The following ELOVL7 variants were observed in gnomAD, a reference collection of about 807,000 sequenced individuals.
The protein encoded by ELOVL7 is ELOVL fatty acid elongase 7.
A neutral mutation model predicts 35.7 loss-of-function variants in ELOVL7; 27 were observed. The ratio of observed to expected loss-of-function variants is 0.76; its 90% CI spans 0.56 to 1.04. The LOEUF (loss-of-function observed/expected upper bound fraction) is 1.04. Among genes scored for constraint, ELOVL7 ranks in the 50% least tolerant of loss-of-function variants. The pLI is 0.00. For missense variants in ELOVL7, 327 were observed against 340.8 expected (o/e 0.96, Z 0.32); for synonymous variants, 113 against 114.6 (o/e 0.99, Z 0.09).
chr5:60,811,174 T>G (rs1290258065), intron 1 of ELOVL7, among the ~76,000 whole-genome samples: 2 of 152,044 alleles, frequency 1.3e-5, no homozygotes, highest in Non-Finnish European at 2.9e-5. Context: ...TGTACTTTTT[T>G]TAAAAAAAAC....
intron 1 of ELOVL7, among the ~76,000 whole-genome samples, chr5:60,807,910 C>T (rs1326607581): frequency 7.5e-6 from 1 of 133,414 alleles, no homozygotes. Context: ...GTGGCAGGAG[C>T]ATGGTGTGAA....
chr5:60,755,430 G>A (rs923821104), intron 8 of ELOVL7, among the ~76,000 whole-genome samples: 3 of 152,076 alleles, frequency 2.0e-5, no homozygotes, highest in Non-Finnish European at 4.4e-5. Flanking sequence ...AGGCTGAGGC[G>A]GGTGGATCAC....
chr5:60,781,797 G>A (rs1022645736), intron 3 of ELOVL7, among the ~76,000 whole-genome samples: 32 of 152,178 alleles, frequency 2.1e-4, no homozygotes, highest in African/African-American at 7.7e-4. Flanking sequence ...TCTCCCACTG[G>A]CTCGCTATGT....
intron 3 of ELOVL7, among the ~76,000 whole-genome samples, chr5:60,780,213 G>A (rs28765185): frequency 6.6e-6 from 1 of 150,902 alleles, no homozygotes; most frequent in African/African-American, 2.4e-5. Flanking sequence ...TCTGCCTCCC[G>A]GGTTCAAGTG....
At chr5:60,755,612 G>A (rs923741651) in intron 8 of ELOVL7, among the ~76,000 whole-genome samples, 6 of 152,052 alleles carry the variant, frequency 3.9e-5, no homozygotes, top group African/African-American at 9.7e-5. Context: ...AGCCGAGATC[G>A]TGCCACTGCA....
intron 1 of ELOVL7, among the ~76,000 whole-genome samples, chr5:60,799,808 C>T (rs571339180): frequency 3.5e-4 from 53 of 152,126 alleles, no homozygotes; most frequent in African/African-American, 1.3e-3. Context: ...GAGGCTGAGG[C>T]GGGCGGATCA....
In ELOVL7 at chr5:60,782,466, T is replaced by C. The variant is rs376781436; in HGVS notation, c.64+4868A>G. Among the ~76,000 whole-genome samples, 6 of 152,194 alleles carry C rather than the reference T, an allele frequency of 3.9e-5. No individual in the cohort carries two copies. The East Asian group carries it at 1.2e-3, about 29-fold the overall frequency. The stretch of plus-strand genomic sequence containing the variant: ...CTGCACTCTCATGTTCACTGCAGCA[T>C]TATTCATAATAGCCAAGATGTGGAA... On this transcript the variant is annotated intron_variant, in intron 3 of 8. Transcript: ENST00000508821.
intron 7 of ELOVL7, among the ~76,000 whole-genome samples, chr5:60,757,853 C>T (rs890081975): frequency 1.5e-4 from 23 of 151,908 alleles, no homozygotes; most frequent in African/African-American, 2.2e-4. Context: ...AGTAAATTAG[C>T]GTATCTTTAT....
At chr5:60,819,903 A>G (rs559893736) in intron 1 of ELOVL7, among the ~76,000 whole-genome samples, 1 of 152,334 alleles carries the variant, frequency 6.6e-6, no homozygotes, top group South Asian at 2.1e-4. Context: ...TATGTCCAAA[A>G]GGGTTTCCAC....
intron 3 of ELOVL7, among the ~76,000 whole-genome samples, chr5:60,774,183 A>G (rs1742768219): frequency 6.6e-6 from 1 of 152,184 alleles, no homozygotes; most frequent in Non-Finnish European, 1.5e-5. Flanking sequence ...CACACCAACA[A>G]CAACAACAAT....
chr5:60,782,399 T>C (rs916797221), intron 3 of ELOVL7, among the ~76,000 whole-genome samples: 2 of 152,186 alleles, frequency 1.3e-5, no homozygotes, highest in African/African-American at 2.4e-5. Context: ...CACTTCCAGA[T>C]ATATATCCAA....
chr5:60,766,805 C>A (rs1742269814), intron 5 of ELOVL7, among the ~76,000 whole-genome samples, 175 bp from the exon 6 acceptor site: 6 of 152,138 alleles, frequency 3.9e-5, no homozygotes, highest in Admixed American at 2.0e-4. Flanking sequence ...CACCATCCAT[C>A]CATAGAACTT....
At chr5:60,807,134 A>T (rs967825266) in intron 1 of ELOVL7, among the ~76,000 whole-genome samples, 1 of 152,152 alleles carries the variant, frequency 6.6e-6, no homozygotes, top group East Asian at 1.9e-4. Flanking sequence ...ACATCGGAGG[A>T]GAAGCAAACA....
chr5:60,781,684 T>C (rs1743266507), intron 3 of ELOVL7, among the ~76,000 whole-genome samples: 1 of 152,240 alleles, frequency 6.6e-6, no homozygotes, highest in Non-Finnish European at 1.5e-5. Context: ...GTTAATTTAA[T>C]TGGATGTTAT....
intron 3 of ELOVL7, among the ~76,000 whole-genome samples, chr5:60,779,301 G>T (rs1743092659): frequency 6.6e-6 from 1 of 152,184 alleles, no homozygotes; most frequent in Admixed American, 6.5e-5. Context: ...GGTGTTTGGG[G>T]TCTGACCCCA....
intron 1 of ELOVL7, among the ~76,000 whole-genome samples, chr5:60,809,533 A>G (rs1031370451): frequency 6.6e-6 from 1 of 152,114 alleles, no homozygotes; most frequent in Admixed American, 6.6e-5. Flanking sequence ...TTCTGGGATC[A>G]CTCCCTTTCT....
chr5:60,759,604 T>A (rs1045189002), intron 7 of ELOVL7, among the ~76,000 whole-genome samples: 1 of 115,224 alleles, frequency 8.7e-6, no homozygotes, highest in Non-Finnish European at 1.6e-5. Context: ...GGCGTGCCTA[T>A]TTTCTTTTTT....
At chr5:60,770,380 C>T (rs927884435) in intron 4 of ELOVL7, among the ~76,000 whole-genome samples, 19 of 152,068 alleles carry the variant, frequency 1.2e-4, no homozygotes, top group East Asian at 3.9e-4. Context: ...CTTTATAAAA[C>T]GAGAGAACTG....
chr5:60,812,155 G>C (rs1426733551), intron 1 of ELOVL7, among the ~76,000 whole-genome samples: 1 of 152,138 alleles, frequency 6.6e-6, no homozygotes, highest in Non-Finnish European at 1.5e-5. Context: ...AGTAGTTTGA[G>C]GTTACAGTGA....
Sources: gnomAD v4.1 joint callset for allele counts (sites outside exome capture counted in the v4.1 genomes callset) on GRCh38, gnomAD v4.1.1 for gene constraint, MANE v1.5 for transcripts, NCBI Gene and HGNC (gene_info 2026-07-23, HGNC 2026-07-21) for gene names.